NCOR1: variants seen among roughly 807,000 people sequenced by gnomAD.
NCOR1 encodes nuclear receptor corepressor 1.
NCOR1 carries 63 observed loss-of-function variants against 288.1 expected under a neutral mutation model. The ratio of observed to expected loss-of-function variants is 0.22; its 90% CI spans 0.18 to 0.27. NCOR1 has a LOEUF of 0.27. Ranked by LOEUF, NCOR1 falls within the 10% of genes least tolerant of loss-of-function variation. NCOR1 has a pLI of 1.00. For synonymous variants in NCOR1, 1,007 were observed against 1,065.9 expected (o/e 0.94, Z 1.08); for missense variants, 2,397 against 3,019.2 (o/e 0.79, Z 4.83).
At chr17:16,175,944 C>T (rs2084078950) in intron 3 of NCOR1, among the ~76,000 whole-genome samples, 1 of 151,952 alleles carries the variant, frequency 6.6e-6, no homozygotes, top group African/African-American at 2.4e-5. Context: ...AGGCCAGGTG[C>T]GGTGGTTCAC....
intron 1 of NCOR1, among the ~76,000 whole-genome samples, chr17:16,202,291 C>A (rs1389794450): frequency 6.7e-6 from 1 of 149,860 alleles, no homozygotes; most frequent in Non-Finnish European, 1.5e-5. Flanking sequence ...ATCCCAGCTA[C>A]TCAGGAGGCT....
Position 16,029,650 on chromosome 17 carries a change from C to A in NCOR1, c.*2646G>T. The A allele has an allele frequency of 5.9e-6, 1 of 169,134 alleles. No homozygotes were observed. The allele number at this position is 169,134 out of a possible 1,614,324, so 10.5% of individuals were successfully genotyped here. On this transcript the variant is annotated 3_prime_UTR_variant, in exon 46 of 46. Coordinates refer to ENST00000268712, the MANE Select transcript of NCOR1 (RefSeq NM_006311.4). ...ACAAAGAATATCATGTTTTGGTTTG[C>A]AGTGAACCACAGTAAGTTGTCAGTG...
intron 40 of NCOR1, among the ~76,000 whole-genome samples, chr17:16,052,760 A>AAT (rs1175058414): frequency 6.6e-6 from 1 of 152,240 alleles, no homozygotes; most frequent in African/African-American, 2.4e-5. Flanking sequence ...GGCCAGCATC[A>AAT]TCCTGATACC....
chr17:16,176,415 T>C (rs1459550194), intron 3 of NCOR1, among the ~76,000 whole-genome samples: 1 of 151,890 alleles, frequency 6.6e-6, no homozygotes, highest in Non-Finnish European at 1.5e-5. Flanking sequence ...ATTATAGACG[T>C]GCGCCACCAC....
At chr17:16,175,830 CT>C (rs201419435) in intron 3 of NCOR1, among the ~76,000 whole-genome samples, 28 of 106,244 alleles carry the variant, frequency 2.6e-4, no homozygotes, top group African/African-American at 5.6e-4. Flanking sequence ...GACTTTGTCT[CT>C]TTTAAAAAAA....
In NCOR1 at chr17:16,048,898, T is replaced by C. The variant is rs776679704; in HGVS notation, c.6483A>G (p.Lys2161=). ...GAGACAAGAGCAGCAAGCTGTCCTG[T>C]TTCTCATGCACAACCGGAACCTGGG... is the stretch of plus-strand genomic sequence containing the variant. The part of the protein sequence containing the change: ...SPPQVPVVHE[K]QDSLLLLSQR... Residue 2161 remains lysine (K), a synonymous_variant, in exon 41 of 46, where the codon AAA becomes AAG. Coordinates refer to ENST00000268712, the MANE Select transcript of NCOR1 (RefSeq NM_006311.4). The C allele has an allele frequency of 1.7e-5, 27 of 1,613,788 alleles. No individual in the cohort carries two copies. Among genetic ancestry groups the C allele is most frequent in the Middle Eastern group, 1.6e-4 (1 of 6,084 alleles).
chr17:16,208,385 T>C (rs1289917113), intron 1 of NCOR1, among the ~76,000 whole-genome samples: 1 of 151,596 alleles, frequency 6.6e-6, no homozygotes, highest in Non-Finnish European at 1.5e-5. Context: ...AACTCACAGT[T>C]TTTTCCTAGG....
At chr17:16,127,559 A>G (rs1031458361) in intron 14 of NCOR1, among the ~76,000 whole-genome samples, 2 of 141,822 alleles carry the variant, frequency 1.4e-5, no homozygotes, top group African/African-American at 5.4e-5. Context: ...ACACATGTGT[A>G]TATATGTATG....
At chr17:16,078,639 A>T (rs1429510098) in intron 26 of NCOR1, among the ~76,000 whole-genome samples, 1 of 152,012 alleles carries the variant, frequency 6.6e-6, no homozygotes, top group Non-Finnish European at 1.5e-5. Flanking sequence ...GCAGTGGCAC[A>T]ATCTCAGCTC....
chr17:16,139,199 T>C lies in NCOR1; in HGVS notation c.1174-13A>G. On this transcript the variant is annotated splice_polypyrimidine_tract_variant and intron_variant, in intron 11 of 45. Coordinates refer to ENST00000268712, the MANE Select transcript of NCOR1 (RefSeq NM_006311.4). ...GTTTCTCATTATTCTGGAAAAAAAA[T>C]ACAATTTACTTAGAATAAAACATAA... 5 of 1,604,478 alleles carry C rather than the reference T, an allele frequency of 3.1e-6. No individual in the cohort carries two copies. Among genetic ancestry groups the C allele is most frequent in the Non-Finnish European group, 4.3e-6 (5 of 1,174,604 alleles).
At chr17:16,084,373 G>A (rs2063885268) in intron 23 of NCOR1, 1 of 152,290 alleles carries the variant, frequency 6.6e-6, no homozygotes, top group East Asian at 1.9e-4. Context: ...AGAGAAGGAA[G>A]ATGAGGATTA....
chr17:16,082,497 C>T (rs952348554), intron 23 of NCOR1, among the ~76,000 whole-genome samples: 6 of 152,006 alleles, frequency 3.9e-5, no homozygotes, highest in African/African-American at 1.4e-4. Flanking sequence ...AGGAGGATCG[C>T]TTGAGGCCAA....
intron 23 of NCOR1, among the ~76,000 whole-genome samples, chr17:16,083,267 C>T (rs1041328183): frequency 1.3e-5 from 2 of 150,798 alleles, no homozygotes; most frequent in South Asian, 2.1e-4. Flanking sequence ...CCTAGCCACT[C>T]GGAAGGCTGA....
chr17:16,082,517 A>G (rs969360948), intron 23 of NCOR1, among the ~76,000 whole-genome samples: 1 of 152,098 alleles, frequency 6.6e-6, no homozygotes, highest in African/African-American at 2.4e-5. Flanking sequence ...AGAGTCTGAG[A>G]CCAGCCTTAA....
rs372753414 is a variant in NCOR1, at chr17:16,080,472, G to C, written c.3336C>G (p.Pro1112=). ...LPYIKQEEFS[P]RSQNSQPEGL... ...CCTCAGGTTGTGAGTTTTGGCTTCG[G>C]GGAGAAAATTCTTCCTGCTTGATGT... Residue 1112 remains proline, a synonymous_variant, in exon 25 of 46, where the codon CCC becomes CCG. Coordinates refer to ENST00000268712, the MANE Select transcript of NCOR1 (RefSeq NM_006311.4). The C allele has an allele frequency of 6.2e-7, 1 of 1,614,156 alleles. No individual in the cohort carries two copies. The highest frequency in any genetic ancestry group is 8.5e-7 in the Non-Finnish European group (1 of 1,180,038).
intron 3 of NCOR1, among the ~76,000 whole-genome samples, chr17:16,181,150 C>A (rs1568518641): frequency 6.7e-6 from 1 of 149,114 alleles, no homozygotes; most frequent in Non-Finnish European, 1.5e-5. Context: ...CAGAGTGAGA[C>A]TCTGTCTAAA....
intron 1 of NCOR1, among the ~76,000 whole-genome samples, chr17:16,212,259 C>G (rs888339041): frequency 6.6e-6 from 1 of 151,502 alleles, no homozygotes; most frequent in Admixed American, 6.6e-5. Flanking sequence ...AGAGCGAGAC[C>G]CTGTCTCAAA....
Position 16,031,029 on chromosome 17 carries a change from A to G in NCOR1, c.*1267T>C, listed in dbSNP as rs2151727074. ...ATACTTAAATGCTATGATAAATTGT[A>G]TGAAAAAAACTTTAAAATTCAGCAA... On this transcript the variant is annotated 3_prime_UTR_variant, in exon 46 of 46. Transcript: ENST00000268712. The G allele has an allele frequency of 5.1e-6, 1 of 195,960 alleles. No individual in the cohort carries two copies. The highest frequency in any genetic ancestry group is 2.3e-5 in the African/African-American group (1 of 43,454). 12.1% of individuals were successfully genotyped at this position (195,960 alleles called of 1,614,324 possible). A position where few individuals can be genotyped will look rare whatever the true frequency, so the allele number is the denominator to read the frequency against.
intron 45 of NCOR1, among the ~76,000 whole-genome samples, chr17:16,033,622 C>G (rs1973003459): frequency 6.7e-6 from 1 of 149,062 alleles, no homozygotes; most frequent in Non-Finnish European, 1.5e-5. Context: ...GCTTATAATT[C>G]TCTGAAACTC....
Sources: allele counts gnomAD v4.1 joint callset (sites outside exome capture counted in the v4.1 genomes callset), GRCh38; gene constraint gnomAD v4.1.1; transcripts MANE v1.5; gene names NCBI Gene and HGNC (gene_info 2026-07-23, HGNC 2026-07-21).